ST14: variants seen among roughly 807,000 people sequenced by gnomAD.
ST14 encodes suppressor of tumorigenicity 14 protein.
ST14 carries 40 observed loss-of-function variants against 96.5 expected under a neutral mutation model. The observed-to-expected ratio is 0.41, with a 90% CI of 0.32 to 0.54. The LOEUF is 0.54. Among genes scored for constraint, ST14 ranks in the 20% least tolerant of loss-of-function variants. ST14 has a pLI of 0.17. For missense variants in ST14, 1,066 were observed against 1,188.9 expected, an observed-to-expected ratio of 0.90 and a Z score of 1.52; for synonymous variants, 506 against 492.1, an observed-to-expected ratio of 1.03 and a Z score of -0.37.
chr11:130,176,529 C>T (rs1025392394), intron 1 of ST14, among the ~76,000 whole-genome samples: 7 of 152,022 alleles, frequency 4.6e-5, no homozygotes, highest in African/African-American at 1.7e-4. Context: ...GCTGGGACTA[C>T]AGGTGCCCAC....
intron 16 of ST14, among the ~76,000 whole-genome samples, chr11:130,207,760 G>A (rs146414816): frequency 6.6e-6 from 1 of 152,176 alleles, no homozygotes; most frequent in Non-Finnish European, 1.5e-5. Context: ...TTGGTCTTAG[G>A]TTATATAGCA....
chr11:130,196,963 A>T (rs1282689887), intron 11 of ST14, among the ~76,000 whole-genome samples: 1 of 152,076 alleles, frequency 6.6e-6, no homozygotes, highest in Non-Finnish European at 1.5e-5. Context: ...GACGCCCCTC[A>T]TCTGAGCTTC....
chr11:130,177,294 G>T (rs1244582696), intron 1 of ST14, among the ~76,000 whole-genome samples: 1 of 151,938 alleles, frequency 6.6e-6, no homozygotes, highest in Non-Finnish European at 1.5e-5. Context: ...GCCGGGCGCG[G>T]TGGCTCACGC....
intron 1 of ST14, among the ~76,000 whole-genome samples, chr11:130,166,447 G>A (rs891472599): frequency 2.0e-5 from 3 of 152,166 alleles, no homozygotes; most frequent in East Asian, 1.9e-4. Context: ...TTGAATCCAC[G>A]TCACTTTGGG....
In ST14 at chr11:130,181,150, C is replaced by G. The variant is rs902108219; in HGVS notation, c.82-6964C>G. Among the ~76,000 whole-genome samples, 1 of 149,910 alleles carries G rather than the reference C, an allele frequency of 6.7e-6. No individual in the cohort carries two copies. ...CTGGGTGGGATGGCGGTGGTCCCTGCTGGGTGGGATGGTGGTGATCTGATC... is the reference window on the plus strand; with the variant it reads ...CTGGGTGGGATGGCGGTGGTCCCTGGTGGGTGGGATGGTGGTGATCTGATC... On this transcript the variant is annotated intron_variant, in intron 1 of 18. Coordinates refer to ENST00000278742, the MANE Select transcript of ST14 (RefSeq NM_021978.4). The surrounding 1 kb of genome is among the most constrained non-coding windows in gnomAD (Gnocchi z 4.1).
rs1343920131 is a variant in ST14, at chr11:130,181,599, TTGTCTAAG to T, written c.82-6504_82-6497del. On this transcript the variant is annotated intron_variant, in intron 1 of 18. Coordinates refer to ENST00000278742, the MANE Select transcript of ST14 (RefSeq NM_021978.4). This position sits in a 1 kb window ranked among gnomAD's most constrained non-coding sequence, Gnocchi z 4.1. Reference sequence around the variant, plus strand: ...CAGTAGAGAGGTGTTATGCCTACAGTTGTCTAAGTGTCTAAGTGGATGGGAGTTCCCTG... The same window carrying T: ...CAGTAGAGAGGTGTTATGCCTACAGTTGTCTAAGTGGATGGGAGTTCCCTG... Among the ~76,000 whole-genome samples, 1 of 152,110 alleles carries T rather than the reference TTGTCTAAG, an allele frequency of 6.6e-6. No homozygotes were observed. Among genetic ancestry groups the T allele is most frequent in the African/African-American group, 2.4e-5 (1 of 41,412 alleles).
intron 1 of ST14, among the ~76,000 whole-genome samples, chr11:130,171,669 A>C (rs754716665): frequency 1.3e-5 from 2 of 152,236 alleles, no homozygotes; most frequent in Non-Finnish European, 2.9e-5. Context: ...AATTTCAATC[A>C]TAAACACCAC....
In ST14 at chr11:130,199,091, G is replaced by A. The variant is rs191169868; in HGVS notation, c.1807+22G>A. The A allele has an allele frequency of 3.1e-4, 494 of 1,608,166 alleles. 1 individual carries two copies. The African/African-American group carries it at 5.7e-3, about 19-fold the overall frequency. On this transcript the variant is annotated intron_variant, in intron 15 of 18. Coordinates refer to ENST00000278742, the MANE Select transcript of ST14 (RefSeq NM_021978.4). ...TGCGGTGAGCAGGGCATCCGAGTAC[G>A]GTTGTGCAGGTTGTTCACTGTGTGA...
Position 130,209,718 on chromosome 11 carries a change from C to T in ST14, c.2463C>T (p.Ala821=), listed in dbSNP as rs141093713. 1.0e-4 allele frequency: 164 copies of T among 1,613,924 alleles called. No individual in the cohort carries two copies. The highest frequency in any genetic ancestry group is 3.3e-4 in the East Asian group (15 of 44,882). Residue 821 remains alanine (A), a synonymous_variant, in exon 19 of 19, where the codon GCC becomes GCT. Transcript: ENST00000278742. ...SVEADGRIFQ[A]GVVSWGDGCA... ...AGGCGGATGGGCGGATCTTCCAGGC[C>T]GGTGTGGTGAGCTGGGGAGACGGCT...
intron 16 of ST14, 68 bp from the exon 17 acceptor site, chr11:130,208,342 G>A (rs879680238): frequency 1.7e-5 from 27 of 1,608,914 alleles, no homozygotes; most frequent in African/African-American, 5.3e-5. Context: ...CTGGGAACGC[G>A]CGGGGCCGCG....
rs73034630 is a variant in ST14 at position 130,181,298 on chromosome 11, A to G, written c.82-6816A>G. ...GCTTGTCCTGAGCCCTTTATCCCCA[A>G]CCTCCCGCCTGGAAGTCATTCCTCG... On this transcript the variant is annotated intron_variant, in intron 1 of 18. Coordinates refer to ENST00000278742, the MANE Select transcript of ST14 (RefSeq NM_021978.4). This position sits in a 1 kb window ranked among gnomAD's most constrained non-coding sequence, Gnocchi z 4.1. Among the ~76,000 whole-genome samples the G allele has an allele frequency of 1.7e-3, 261 of 151,668 alleles. No individual in the cohort carries two copies. The highest frequency in any genetic ancestry group is 2.8e-3 in the Non-Finnish European group (188 of 67,884).
Position 130,188,296 on chromosome 11 carries a change from C to G in ST14, c.241+23C>G. 6.2e-7 allele frequency: 1 copy of G among 1,606,162 alleles called. No individual in the cohort carries two copies. The highest frequency in any genetic ancestry group is 1.1e-5 in the South Asian group (1 of 90,024). On this transcript the variant is annotated intron_variant, in intron 2 of 18. Coordinates refer to ENST00000278742, the MANE Select transcript of ST14 (RefSeq NM_021978.4). The surrounding 1 kb of genome is among the most constrained non-coding windows in gnomAD (Gnocchi z 5.4). ...AGTGTGAGTAAAGCTGGGGCTGGCT[C>G]CGGGGAGGACGACAAGGGGTGGCTG...
chr11:130,207,503 A>G (rs1953501058), intron 16 of ST14, among the ~76,000 whole-genome samples: 1 of 152,168 alleles, frequency 6.6e-6, no homozygotes, highest in East Asian at 1.9e-4. Flanking sequence ...GTGAACTGAG[A>G]TCACACCTCT....
At chr11:130,162,644 C>T (rs1953006278) in intron 1 of ST14, among the ~76,000 whole-genome samples, 1 of 152,184 alleles carries the variant, frequency 6.6e-6, no homozygotes, top group South Asian at 2.1e-4. Context: ...GCTAGGTAAC[C>T]CACTGACTGA....
At chr11:130,173,360 G>A (rs555457963) in intron 1 of ST14, among the ~76,000 whole-genome samples, 91 of 152,294 alleles carry the variant, frequency 6.0e-4, no homozygotes, top group African/African-American at 2.1e-3. Context: ...TACTTTGGGA[G>A]GCCGAGGAGA....
At chr11:130,203,777 C>T (rs1413120163) in intron 16 of ST14, among the ~76,000 whole-genome samples, 4 of 152,186 alleles carry the variant, frequency 2.6e-5, no homozygotes, top group South Asian at 2.1e-4. Flanking sequence ...CTCACCCTCC[C>T]GAGTAGCTGG....
At position 130,188,496 on chromosome 11, in the gene ST14, C is replaced by T. The variant is rs1221989106; in HGVS notation, c.242-34C>T. The T allele has an allele frequency of 1.9e-6, 3 of 1,610,962 alleles. No individual in the cohort carries two copies. Among genetic ancestry groups the T allele is most frequent in the Non-Finnish European group, 2.5e-6 (3 of 1,179,798 alleles). ...GAGGGACAGGCGGGGGTGGTACCACCTCCCCTGACTGAGCGCCTTCTGGTC... is the reference window on the plus strand; with the variant it reads ...GAGGGACAGGCGGGGGTGGTACCACTTCCCCTGACTGAGCGCCTTCTGGTC... On this transcript the variant is annotated intron_variant, in intron 2 of 18. Transcript: ENST00000278742. The surrounding 1 kb of genome is among the most constrained non-coding windows in gnomAD (Gnocchi z 5.4).
chr11:130,204,516 A>G (rs983110897), intron 16 of ST14, among the ~76,000 whole-genome samples: 2 of 152,178 alleles, frequency 1.3e-5, no homozygotes, highest in African/African-American at 2.4e-5. Context: ...TGGCTGTAAG[A>G]AAGGCCAGAA....
chr11:130,192,553 T>C (rs367751637), intron 7 of ST14, among the ~76,000 whole-genome samples: 25 of 152,308 alleles, frequency 1.6e-4, no homozygotes, highest in African/African-American at 5.5e-4. Flanking sequence ...AACACTCAGC[T>C]AATTTTTTTT....
Sources: gnomAD v4.1 joint callset for allele counts (sites outside exome capture counted in the v4.1 genomes callset) on GRCh38, gnomAD v4.1.1 for gene constraint, Gnocchi (gnomAD v3.1) non-coding constraint, MANE v1.5 for transcripts, NCBI Gene and HGNC (gene_info 2026-07-23, HGNC 2026-07-21) for gene names.